The following DLGAP2 variants were observed in gnomAD, a reference collection of about 807,000 sequenced individuals.
The protein encoded by DLGAP2 is DLG associated protein 2.
A neutral mutation model predicts 100.3 loss-of-function variants in DLGAP2; 26 were observed. The ratio of observed to expected loss-of-function variants is 0.26; its 90% CI spans 0.19 to 0.36. The LOEUF (loss-of-function observed/expected upper bound fraction) is 0.36. Ranked by LOEUF, DLGAP2 falls within the 10% of genes least tolerant of loss-of-function variation. DLGAP2 has a pLI of 1.00. For missense variants in DLGAP2, 1,858 were observed against 1,453.2 expected, an observed-to-expected ratio of 1.28 and a Z score of -4.53; for synonymous variants, 886 against 630.1, an observed-to-expected ratio of 1.41 and a Z score of -6.08.
At chr8:1,207,629 T>C (rs982365741) in intron 2 of DLGAP2, among the ~76,000 whole-genome samples, 5 of 152,236 alleles carry the variant, frequency 3.3e-5, no homozygotes, top group Non-Finnish European at 7.3e-5. Context: ...TTTAGTTCTT[T>C]AAGGAGTCTC....
At chr8:1,254,976 C>CGGGTGCTGTGTGTGTGTCCTCTCCTGCCT (rs1799146771) in intron 2 of DLGAP2, among the ~76,000 whole-genome samples, 1 of 109,832 alleles carries the variant, frequency 9.1e-6, no homozygotes, top group African/African-American at 4.4e-5. Flanking sequence ...TCATCCTGTC[C>CGGGTGCTGTGTGTGTGTCCTCTCCTGCCT]GGGTGCTGTG....
intron 2 of DLGAP2, among the ~76,000 whole-genome samples, chr8:911,188 T>A (rs1247259529): frequency 6.6e-6 from 1 of 152,068 alleles, no homozygotes; most frequent in East Asian, 1.9e-4. Context: ...ACTGGAGGGG[T>A]GAGAACTTTG....
At chr8:1,593,971 C>T (rs1796368005) in intron 6 of DLGAP2, among the ~76,000 whole-genome samples, 1 of 152,216 alleles carries the variant, frequency 6.6e-6, no homozygotes, top group East Asian at 1.9e-4. Context: ...TCTGTTGGGT[C>T]CAGCAGTCCA....
intron 3 of DLGAP2, among the ~76,000 whole-genome samples, chr8:1,389,222 G>A (rs1032475964): frequency 6.6e-6 from 1 of 152,074 alleles, no homozygotes; most frequent in African/African-American, 2.4e-5. Context: ...CATAATGGGA[G>A]GAGCGGTACT....
intron 3 of DLGAP2, among the ~76,000 whole-genome samples, chr8:1,444,200 C>G (rs1413208636): frequency 2.0e-5 from 3 of 152,142 alleles, no homozygotes; most frequent in Non-Finnish European, 2.9e-5. Context: ...ATCCTGTTGC[C>G]TTGGCCTCCC....
intron 2 of DLGAP2, among the ~76,000 whole-genome samples, chr8:1,139,750 G>A (rs965230012): frequency 1.3e-5 from 2 of 152,160 alleles, no homozygotes; most frequent in Admixed American, 6.5e-5. Flanking sequence ...GAGGGAGTGA[G>A]GATGGTGCCT....
chr8:838,214 C>T (rs985280026), intron 1 of DLGAP2, among the ~76,000 whole-genome samples: 2 of 151,964 alleles, frequency 1.3e-5, no homozygotes, highest in Non-Finnish European at 2.9e-5. Flanking sequence ...TCCCTTTGTT[C>T]CTTTTAAGTT....
chr8:844,774 A>G (rs898165197), intron 1 of DLGAP2, among the ~76,000 whole-genome samples: 3 of 152,208 alleles, frequency 2.0e-5, no homozygotes, highest in Admixed American at 6.5e-5. Context: ...AAAGTACACA[A>G]TTCAATGGCT....
Position 1,703,855 on chromosome 8 carries a change from T to C in DLGAP2, c.*2449T>C, listed in dbSNP as rs1245993668. On this transcript the variant is annotated 3_prime_UTR_variant, in exon 15 of 15. Coordinates refer to ENST00000637795, the MANE Select transcript of DLGAP2 (RefSeq NM_001346810.2). ...CTAGGGGAGCAGATTAACCTACCAC[T>C]ACATTGCACAGGGTTGGTGACTCGA... 3 of 152,630 alleles carry C rather than the reference T, an allele frequency of 2.0e-5. No individual in the cohort carries two copies. Among genetic ancestry groups the C allele is most frequent in the Non-Finnish European group, 4.4e-5 (3 of 68,038 alleles). 9.5% of individuals were successfully genotyped at this position (152,630 alleles called of 1,614,324 possible).
chr8:865,293 A>C (rs1474283370), intron 1 of DLGAP2, among the ~76,000 whole-genome samples: 1 of 152,198 alleles, frequency 6.6e-6, no homozygotes, highest in Non-Finnish European at 1.5e-5. Context: ...CAAATGACAG[A>C]GAGGAGAGTT....
intron 3 of DLGAP2, among the ~76,000 whole-genome samples, chr8:1,372,156 G>T (rs1802253701): frequency 6.6e-6 from 1 of 152,102 alleles, no homozygotes; most frequent in Admixed American, 6.5e-5. Context: ...GATAGGGTGG[G>T]TGGGGCGCAG....
intron 3 of DLGAP2, among the ~76,000 whole-genome samples, chr8:1,483,823 T>C (rs1799171514): frequency 6.6e-6 from 1 of 152,082 alleles, no homozygotes; most frequent in African/African-American, 2.4e-5. Context: ...ACCACAGGGC[T>C]TTTGTAAGGG....
At chr8:1,183,049 C>T (rs1334410946) in intron 2 of DLGAP2, among the ~76,000 whole-genome samples, 2 of 152,188 alleles carry the variant, frequency 1.3e-5, no homozygotes, top group African/African-American at 4.8e-5. Context: ...ACTCACCCAG[C>T]AGCGGGACCT....
chr8:794,693 A>T (rs576178557), intron 1 of DLGAP2, among the ~76,000 whole-genome samples: 14 of 152,196 alleles, frequency 9.2e-5, no homozygotes, highest in Non-Finnish European at 5.9e-5. Context: ...CATTATGAAT[A>T]TGTTACAGTG....
intron 2 of DLGAP2, among the ~76,000 whole-genome samples, chr8:1,008,744 C>T (rs541546457): frequency 2.9e-4 from 44 of 152,318 alleles, no homozygotes; most frequent in African/African-American, 1.0e-3. Context: ...TCCCCCACCC[C>T]AGCACTGAGG....
chr8:1,039,843 T>C (rs1315559427), intron 2 of DLGAP2, among the ~76,000 whole-genome samples: 2 of 147,964 alleles, frequency 1.4e-5, no homozygotes, highest in Admixed American at 6.7e-5. Flanking sequence ...TCGGTGTGCA[T>C]GTTCAGCTCG....
At chr8:1,317,221 C>G (rs1485677644) in intron 3 of DLGAP2, among the ~76,000 whole-genome samples, 1 of 93,110 alleles carries the variant, frequency 1.1e-5, no homozygotes, top group East Asian at 3.2e-4. Context: ...ACACTCGAGA[C>G]ACTCGGCAGC....
chr8:1,030,117 A>G (rs1221711003), intron 2 of DLGAP2, among the ~76,000 whole-genome samples: 1 of 152,236 alleles, frequency 6.6e-6, no homozygotes, highest in Non-Finnish European at 1.5e-5. Flanking sequence ...CTTTCACACC[A>G]GGAAATAATG....
intron 2 of DLGAP2, among the ~76,000 whole-genome samples, chr8:924,265 G>A (rs1200253446): frequency 6.6e-6 from 1 of 152,218 alleles, no homozygotes; most frequent in Admixed American, 6.5e-5. Flanking sequence ...GCCCTTCCTA[G>A]GTGATGTGGG....
Sources: allele counts gnomAD v4.1 joint callset (sites outside exome capture counted in the v4.1 genomes callset), GRCh38; gene constraint gnomAD v4.1.1; transcripts MANE v1.5; gene names NCBI Gene and HGNC (gene_info 2026-07-23, HGNC 2026-07-21).